LRTM3: variants seen among roughly 807,000 people sequenced by gnomAD.
LRTM3 encodes the protein leucine rich repeat transmembrane protein 3.
the LRTM3 span, among the ~76,000 whole-genome samples, chr13:102,756,706 A>G: frequency 1.3e-5 from 2 of 149,972 alleles, no homozygotes; most frequent in Admixed American, 6.6e-5. Context: ...CAAAAAAACA[A>G]AAAGAGGCAG....
chr13:102,741,387 C>G, the LRTM3 span: 2 of 1,549,666 alleles, frequency 1.3e-6, no homozygotes, highest in Admixed American at 2.0e-5. Context: ...TTCACCTGTT[C>G]TTTCTGCTCT....
the LRTM3 span, chr13:102,731,979 C>A: frequency 1.3e-6 from 2 of 1,551,050 alleles, no homozygotes; most frequent in East Asian, 2.4e-5. Flanking sequence ...TTTGTTTGTG[C>A]CTTTAAGTAT....
At chr13:102,740,501 T>C in the LRTM3 span, 2 of 1,549,990 alleles carry the variant, frequency 1.3e-6, no homozygotes, top group East Asian at 2.4e-5. Flanking sequence ...AAAGTTCTCA[T>C]AGGAAATTGG....
At chr13:102,747,617 A>G in the LRTM3 span, 3 of 1,551,056 alleles carry the variant, frequency 1.9e-6, no homozygotes, top group Non-Finnish European at 2.6e-6. Context: ...GTTTCCACCA[A>G]ATGGGACACT....
At chr13:102,738,117 C>A in the LRTM3 span, 1 of 1,551,094 alleles carries the variant, frequency 6.4e-7, no homozygotes, top group Non-Finnish European at 8.7e-7. Flanking sequence ...TCCATTTTCC[C>A]TGGCTCTTTA....
At chr13:102,736,562 T>C in the LRTM3 span, 2 of 1,551,166 alleles carry the variant, frequency 1.3e-6, no homozygotes, top group East Asian at 4.9e-5. Flanking sequence ...TTCACCTTCC[T>C]CTTCTTTTAT....
chr13:102,755,698 A>T, the LRTM3 span, among the ~76,000 whole-genome samples: 1 of 151,842 alleles, frequency 6.6e-6, no homozygotes. Context: ...CAATAGGTGC[A>T]GTAAACCACC....
At chr13:102,729,655 G>C in the LRTM3 span, 2 of 1,550,466 alleles carry the variant, frequency 1.3e-6, no homozygotes, top group Non-Finnish European at 1.7e-6. Flanking sequence ...CAAAAAAAAA[G>C]GGCCGGTTTT....
the LRTM3 span, chr13:102,748,286 A>G: frequency 1.0e-5 from 16 of 1,551,092 alleles, no homozygotes; most frequent in Middle Eastern, 3.3e-4. Context: ...ATTAAGTATC[A>G]ATGGTTTACT....
At chr13:102,751,659 A>C in the LRTM3 span, among the ~76,000 whole-genome samples, 1 of 152,158 alleles carries the variant, frequency 6.6e-6, no homozygotes, top group Non-Finnish European at 1.5e-5. Flanking sequence ...TGTTTGGAGA[A>C]CACAGATTAT....
chr13:102,745,412 A>G, the LRTM3 span: 2 of 1,550,618 alleles, frequency 1.3e-6, no homozygotes, highest in East Asian at 4.9e-5. Context: ...GTCAGGTGTC[A>G]TAGTCAGGAA....
chr13:102,742,008 A>T, the LRTM3 span: 1 of 1,550,536 alleles, frequency 6.4e-7, no homozygotes, highest in South Asian at 1.2e-5. Flanking sequence ...CCTGACAATG[A>T]CCTTTGCATT....
chr13:102,741,854 C>G, the LRTM3 span: 3 of 1,550,306 alleles, frequency 1.9e-6, no homozygotes, highest in Non-Finnish European at 2.6e-6. Context: ...GGCATCGAAA[C>G]TACTGTAATT....
At chr13:102,746,415 G>T in the LRTM3 span, 1 of 1,551,060 alleles carries the variant, frequency 6.4e-7, no homozygotes, top group African/African-American at 1.4e-5. Flanking sequence ...GACGCAGGGA[G>T]ACAGAACTCT....
At chr13:102,750,357 A>G in the LRTM3 span, 1 of 1,517,704 alleles carries the variant, frequency 6.6e-7, no homozygotes, top group Non-Finnish European at 8.9e-7. Context: ...GTAAGTGATG[A>G]AGTAATTCTT....
chr13:102,755,121 T>C, the LRTM3 span, among the ~76,000 whole-genome samples: 1 of 152,146 alleles, frequency 6.6e-6, no homozygotes, highest in Non-Finnish European at 1.5e-5. Flanking sequence ...GGTCCCCGGA[T>C]TTCAGATACT....
chr13:102,755,471 T>C, the LRTM3 span, among the ~76,000 whole-genome samples: 2 of 151,966 alleles, frequency 1.3e-5, no homozygotes, highest in Non-Finnish European at 1.5e-5. Flanking sequence ...CATGCAACCA[T>C]AAAAAGAATG....
the LRTM3 span, chr13:102,741,521 A>G: frequency 1.9e-6 from 3 of 1,549,858 alleles, no homozygotes; most frequent in East Asian, 4.9e-5. Flanking sequence ...TTTTCTGTTA[A>G]TGTACACATC....
chr13:102,757,679 C>T, the LRTM3 span, among the ~76,000 whole-genome samples: 1 of 152,168 alleles, frequency 6.6e-6, no homozygotes, highest in Non-Finnish European at 1.5e-5. Context: ...AAATTCAGCT[C>T]CAGGATAACA....
Sources: allele counts gnomAD v4.1 joint callset (sites outside exome capture counted in the v4.1 genomes callset), GRCh38; gene constraint gnomAD v4.1.1; transcripts MANE v1.5; gene names NCBI Gene and HGNC (gene_info 2026-07-23, HGNC 2026-07-21).